RGS6: variants seen among roughly 807,000 people sequenced by gnomAD.
RGS6 encodes the protein regulator of G-protein signaling 6.
RGS6 carries 30 observed loss-of-function variants against 78.5 expected under a neutral mutation model. The ratio of observed to expected loss-of-function variants is 0.38; its 90% CI spans 0.29 to 0.52. The LOEUF is 0.52. Ranked by LOEUF, RGS6 falls within the 20% of genes least tolerant of loss-of-function variation. The pLI, the probability that RGS6 is intolerant of heterozygous loss-of-function variation, is 0.85. For synonymous variants in RGS6, 206 were observed against 206.0 expected (o/e 1.00, Z 0.00); for missense variants, 495 against 609.7 (o/e 0.81, Z 1.98).
intron 2 of RGS6, among the ~76,000 whole-genome samples, chr14:72,091,684 G>A (rs1347460229): frequency 1.3e-5 from 2 of 152,136 alleles, no homozygotes; most frequent in African/African-American, 2.4e-5. Flanking sequence ...TAAGCAGAAC[G>A]GAGAAGCTGC....
At chr14:71,960,969 A>T (rs922413179) in intron 1 of RGS6, among the ~76,000 whole-genome samples, 3 of 152,202 alleles carry the variant, frequency 2.0e-5, no homozygotes, top group Non-Finnish European at 4.4e-5. Context: ...TAAGGAGAGG[A>T]TCTGTGTCTG....
intron 2 of RGS6, among the ~76,000 whole-genome samples, chr14:72,314,734 C>G (rs932243586): frequency 6.6e-6 from 1 of 152,198 alleles, no homozygotes; most frequent in African/African-American, 2.4e-5. Context: ...CCTGCTGAGA[C>G]AAGCCAACAG....
At chr14:71,918,141 A>G in the RGS6 span, among the ~76,000 whole-genome samples, 1 of 129,002 alleles carries the variant, frequency 7.8e-6, no homozygotes, top group African/African-American at 2.9e-5. Context: ...AGATCGTGCC[A>G]CTGCACTCCA....
At chr14:71,999,224 G>A (rs1282451340) in intron 2 of RGS6, among the ~76,000 whole-genome samples, 3 of 152,206 alleles carry the variant, frequency 2.0e-5, no homozygotes, top group Non-Finnish European at 4.4e-5. Context: ...AGCGTCAGTC[G>A]AAGTGAAAAT....
chr14:72,218,452 A>G (rs560995866), intron 2 of RGS6, among the ~76,000 whole-genome samples: 2 of 152,092 alleles, frequency 1.3e-5, no homozygotes, highest in Non-Finnish European at 2.9e-5. Flanking sequence ...AATATGCTGT[A>G]TCAGTATATT....
chr14:72,590,239 T>C, the RGS6 span, among the ~76,000 whole-genome samples: 1 of 152,356 alleles, frequency 6.6e-6, no homozygotes, highest in Non-Finnish European at 1.5e-5. Context: ...TAAGTTCTCA[T>C]AACGTGAAAC....
intron 3 of RGS6, among the ~76,000 whole-genome samples, chr14:72,402,265 C>T (rs1273415518): frequency 2.0e-5 from 3 of 152,186 alleles, no homozygotes; most frequent in Non-Finnish European, 4.4e-5. Flanking sequence ...AGATATCCAG[C>T]AGTAAGGGCA....
chr14:72,035,638 T>C (rs1045838831), intron 2 of RGS6, among the ~76,000 whole-genome samples: 3 of 152,166 alleles, frequency 2.0e-5, no homozygotes, highest in Admixed American at 6.5e-5. Flanking sequence ...TGCTGCATCC[T>C]ATATGTTTTG....
intron 3 of RGS6, among the ~76,000 whole-genome samples, chr14:72,409,289 CA>C (rs1288937899): frequency 6.6e-6 from 1 of 152,188 alleles, no homozygotes; most frequent in African/African-American, 2.4e-5. Flanking sequence ...CTCTACCCAG[CA>C]GCATGGGTAG....
chr14:72,576,013 C>T, the RGS6 span, among the ~76,000 whole-genome samples: 1 of 152,216 alleles, frequency 6.6e-6, no homozygotes, highest in Non-Finnish European at 1.5e-5. Context: ...TCTTGTAGAA[C>T]TGCCTCACAA....
At chr14:72,140,124 A>G (rs893033826) in intron 2 of RGS6, among the ~76,000 whole-genome samples, 2 of 152,304 alleles carry the variant, frequency 1.3e-5, no homozygotes, top group East Asian at 1.9e-4. Context: ...TCTCCATGCT[A>G]TGATGCTCCC....
chr14:72,215,226 C>T (rs2045275006), intron 2 of RGS6, among the ~76,000 whole-genome samples: 1 of 152,188 alleles, frequency 6.6e-6, no homozygotes, highest in Admixed American at 6.5e-5. Context: ...TGTAAAAACT[C>T]ATTCTTGACT....
intron 10 of RGS6, among the ~76,000 whole-genome samples, chr14:72,476,384 A>G (rs1405715641): frequency 6.6e-6 from 1 of 152,194 alleles, no homozygotes; most frequent in Non-Finnish European, 1.5e-5. Flanking sequence ...CCACCCACAA[A>G]GATTCTGATG....
At chr14:71,959,781 A>C (rs931803757) in intron 1 of RGS6, among the ~76,000 whole-genome samples, 26 of 152,276 alleles carry the variant, frequency 1.7e-4, no homozygotes, top group African/African-American at 6.3e-4. Flanking sequence ...GAACAAGGTC[A>C]CTGGTCAGTT....
At chr14:71,968,461 C>G (rs1384479776) in intron 2 of RGS6, among the ~76,000 whole-genome samples, 2 of 152,168 alleles carry the variant, frequency 1.3e-5, no homozygotes, top group Non-Finnish European at 2.9e-5. Flanking sequence ...ATTTGTAGAT[C>G]TCTCAAAACG....
chr14:72,354,059 A>T (rs906841189), intron 3 of RGS6, among the ~76,000 whole-genome samples: 1 of 152,132 alleles, frequency 6.6e-6, no homozygotes, highest in Middle Eastern at 3.2e-3. Flanking sequence ...ATATTACTGT[A>T]TATTAACCTA....
intron 2 of RGS6, among the ~76,000 whole-genome samples, chr14:72,307,877 G>A (rs1264476762): frequency 2.6e-5 from 4 of 152,038 alleles, no homozygotes; most frequent in Non-Finnish European, 5.9e-5. Flanking sequence ...TTCTTTAAAG[G>A]TCTTCATGCC....
chr14:72,363,226 A>G (rs2081829003), intron 3 of RGS6, among the ~76,000 whole-genome samples: 2 of 152,190 alleles, frequency 1.3e-5, no homozygotes, highest in African/African-American at 4.8e-5. Flanking sequence ...GGTTTTAAAT[A>G]TGAGGGAATT....
At chr14:72,332,695 G>A (rs1016767860) in intron 2 of RGS6, among the ~76,000 whole-genome samples, 1 of 152,154 alleles carries the variant, frequency 6.6e-6, no homozygotes, top group Non-Finnish European at 1.5e-5. Flanking sequence ...ACCTCTCCTT[G>A]TCTCATCTCA....
Sources: gnomAD v4.1 joint callset for allele counts (sites outside exome capture counted in the v4.1 genomes callset) on GRCh38, gnomAD v4.1.1 for gene constraint, MANE v1.5 for transcripts, NCBI Gene and HGNC (gene_info 2026-07-23, HGNC 2026-07-21) for gene names.